UNC13C: variants seen among roughly 807,000 people sequenced by gnomAD.
UNC13C encodes protein unc-13 homolog C.
A neutral mutation model predicts 245.4 loss-of-function variants in UNC13C; 174 were observed. The ratio of observed to expected loss-of-function variants is 0.71; its 90% CI spans 0.63 to 0.80. UNC13C has a LOEUF of 0.80. Ranked by LOEUF, UNC13C falls within the 30% of genes least tolerant of loss-of-function variation. The probability of loss-of-function intolerance (pLI) is 0.00; values close to 1 mark genes in which losing one functional copy is unlikely to be tolerated. For missense variants in UNC13C, 2,829 were observed against 2,602.9 expected (o/e 1.09, Z -1.89); for synonymous variants, 992 against 895.1 (o/e 1.11, Z -1.93).
intron 30 of UNC13C, among the ~76,000 whole-genome samples, chr15:54,608,306 C>A (rs1033962818): frequency 6.6e-6 from 1 of 152,140 alleles, no homozygotes; most frequent in African/African-American, 2.4e-5. Flanking sequence ...CCAGTGTCAC[C>A]TCATTTTGTC....
At chr15:54,561,449 C>T (rs984393554) in intron 29 of UNC13C, among the ~76,000 whole-genome samples, 1 of 151,788 alleles carries the variant, frequency 6.6e-6, no homozygotes, top group Non-Finnish European at 1.5e-5. Context: ...GACAGATGGG[C>T]GTTTACAGGC....
At chr15:54,229,804 G>A (rs1427525063) in intron 4 of UNC13C, among the ~76,000 whole-genome samples, 1 of 151,984 alleles carries the variant, frequency 6.6e-6, no homozygotes, top group Non-Finnish European at 1.5e-5. Context: ...TCCACCTCTT[G>A]TAACTACCAC....
At position 54,236,425 on chromosome 15, in the gene UNC13C, T is replaced by C. The variant is rs2035702033; in HGVS notation, c.3151-5T>C. On this transcript the variant is annotated splice_region_variant and splice_polypyrimidine_tract_variant and intron_variant, in intron 5 of 32. Transcript: ENST00000260323. ...TTTGTTTCCTCTCACTTCTGGAATC[T>C]TCAGGCCATGGTAAGTGCTTTGCTA... 6.3e-7 allele frequency: 1 copy of C among 1,592,154 alleles called. No individual in the cohort carries two copies. Among genetic ancestry groups the C allele is most frequent in the African/African-American group, 1.3e-5 (1 of 74,778 alleles).
At chr15:54,264,960 GT>G (rs2036516799) in intron 9 of UNC13C, among the ~76,000 whole-genome samples, 1 of 151,934 alleles carries the variant, frequency 6.6e-6, no homozygotes, top group Non-Finnish European at 1.5e-5. Flanking sequence ...ACTATGTAGA[GT>G]TGATCAATAT....
intron 2 of UNC13C, among the ~76,000 whole-genome samples, chr15:54,104,145 T>C (rs188066759): frequency 1.3e-5 from 2 of 152,384 alleles, no homozygotes; most frequent in Non-Finnish European, 2.9e-5. Flanking sequence ...TTGCTCTGGA[T>C]ACTTGCTGTA....
chr15:54,568,241 A>C (rs1339309711), intron 30 of UNC13C, among the ~76,000 whole-genome samples: 3 of 152,092 alleles, frequency 2.0e-5, no homozygotes, highest in African/African-American at 7.2e-5. Flanking sequence ...TCTACTTTTT[A>C]ATATTTATGA....
At chr15:54,318,273 T>A (rs569662173) in intron 13 of UNC13C, among the ~76,000 whole-genome samples, 1 of 152,056 alleles carries the variant, frequency 6.6e-6, no homozygotes, top group African/African-American at 2.4e-5. Context: ...ATGATTGTCC[T>A]ATTTTTTAGT....
At chr15:54,149,694 A>G (rs907002539) in intron 4 of UNC13C, among the ~76,000 whole-genome samples, 1 of 152,208 alleles carries the variant, frequency 6.6e-6, no homozygotes, top group Non-Finnish European at 1.5e-5. Context: ...AATATTTTTA[A>G]TGACTCTTGT....
intron 17 of UNC13C, among the ~76,000 whole-genome samples, chr15:54,351,390 G>C (rs1363529341): frequency 6.6e-6 from 1 of 152,032 alleles, no homozygotes; most frequent in African/African-American, 2.4e-5. Flanking sequence ...TAAGTATCTA[G>C]AGAAAAACTT....
At chr15:54,334,543 T>A (rs2038523691) in intron 16 of UNC13C, among the ~76,000 whole-genome samples, 1 of 152,058 alleles carries the variant, frequency 6.6e-6, no homozygotes, top group African/African-American at 2.4e-5. Context: ...AATTTTTTTC[T>A]TTGCATTTGC....
intron 23 of UNC13C, among the ~76,000 whole-genome samples, chr15:54,509,657 G>A (rs904395455): frequency 2.0e-5 from 3 of 151,998 alleles, no homozygotes; most frequent in African/African-American, 7.2e-5. Context: ...CCCTGAATTA[G>A]GGTAATGTTT....
chr15:53,879,787 A>G, the UNC13C span, among the ~76,000 whole-genome samples: 1 of 152,106 alleles, frequency 6.6e-6, no homozygotes, highest in Non-Finnish European at 1.5e-5. Flanking sequence ...GGGTTTCACC[A>G]TTTTGGTCAG....
At chr15:54,438,380 G>C (rs750258485) in intron 19 of UNC13C, among the ~76,000 whole-genome samples, 7 of 151,980 alleles carry the variant, frequency 4.6e-5, no homozygotes, top group Non-Finnish European at 5.9e-5. Flanking sequence ...GTCTACAAGA[G>C]AGCTGCATTT....
intron 4 of UNC13C, among the ~76,000 whole-genome samples, chr15:54,169,984 TC>T (rs1460952463): frequency 1.8e-5 from 2 of 108,696 alleles, no homozygotes; most frequent in African/African-American, 3.4e-5. Flanking sequence ...AAGGACAATA[TC>T]CTTTTTCTTT....
At chr15:54,005,123 A>G (rs1363647782) in intron 1 of UNC13C, among the ~76,000 whole-genome samples, 1 of 152,174 alleles carries the variant, frequency 6.6e-6, no homozygotes, top group African/African-American at 2.4e-5. Flanking sequence ...CTGATAAACC[A>G]TTTATACCAA....
intron 1 of UNC13C, among the ~76,000 whole-genome samples, chr15:54,000,152 T>C (rs1894818986): frequency 6.6e-6 from 1 of 152,080 alleles, no homozygotes; most frequent in Admixed American, 6.6e-5. Context: ...GGAGTATGCC[T>C]CCTAAAATAG....
intron 4 of UNC13C, among the ~76,000 whole-genome samples, chr15:54,182,048 TG>T (rs74555335): frequency 0.11 from 16,130 of 152,010 alleles, 1,435 homozygotes; most frequent in African/African-American, 0.24. Context: ...CTGATTACTC[TG>T]ACCAGGACTT....
chr15:54,127,674 C>T (rs2031137243), intron 2 of UNC13C, among the ~76,000 whole-genome samples: 1 of 149,478 alleles, frequency 6.7e-6, no homozygotes, highest in African/African-American at 2.5e-5. Flanking sequence ...CCTGCACATT[C>T]TGCACATGTA....
At position 54,467,112 on chromosome 15, in the gene UNC13C, A is replaced by G. The variant is rs1892214899; in HGVS notation, c.4934-27496A>G. ...TGAGAATTTCTGGGCACAAAACCATATTATCTATATTTTAAACAAGGACTG... is the reference window on the plus strand; with the variant it reads ...TGAGAATTTCTGGGCACAAAACCATGTTATCTATATTTTAAACAAGGACTG... On this transcript the variant is annotated intron_variant, in intron 19 of 32. Transcript: ENST00000260323. Among the ~76,000 whole-genome samples the G allele has an allele frequency of 1.3e-5, 2 of 151,910 alleles. 1 individual carries two copies. Among genetic ancestry groups the G allele is most frequent in the Admixed American group, 1.3e-4 (2 of 15,264 alleles).
Sources: gnomAD v4.1 joint callset for allele counts (sites outside exome capture counted in the v4.1 genomes callset) on GRCh38, gnomAD v4.1.1 for gene constraint, MANE v1.5 for transcripts, NCBI Gene and HGNC (gene_info 2026-07-23, HGNC 2026-07-21) for gene names.